ERBB4: variants seen among roughly 807,000 people sequenced by gnomAD.
ERBB4 encodes the protein erb-b2 receptor tyrosine kinase 4.
A neutral mutation model predicts 158.0 loss-of-function variants in ERBB4; 42 were observed. The ratio of observed to expected loss-of-function variants is 0.27; its 90% confidence interval spans 0.21 to 0.34. The LOEUF (loss-of-function observed/expected upper bound fraction) is 0.34, where lower values mean the gene tolerates loss of function less well. Ranked by LOEUF, ERBB4 falls within the 10% of genes least tolerant of loss-of-function variation. The pLI is 1.00. For synonymous variants in ERBB4, 583 were observed against 558.7 expected (o/e 1.04, Z -0.61); for missense variants, 1,333 against 1,624.1 (o/e 0.82, Z 3.08).
At chr2:211,636,658 T>C (rs920361228) in intron 16 of ERBB4, among the ~76,000 whole-genome samples, 16 of 151,838 alleles carry the variant, frequency 1.1e-4, no homozygotes, top group African/African-American at 3.6e-4. Flanking sequence ...TTATCCTACA[T>C]TTAGCCCAAT....
At chr2:211,414,102 G>A (rs1006379277) in intron 25 of ERBB4, among the ~76,000 whole-genome samples, 1 of 152,090 alleles carries the variant, frequency 6.6e-6, no homozygotes, top group East Asian at 1.9e-4. Context: ...GAGACTCTCT[G>A]GGGACCCTTC....
chr2:212,326,268 T>C (rs1156916998), intron 1 of ERBB4, among the ~76,000 whole-genome samples: 1 of 150,874 alleles, frequency 6.6e-6, no homozygotes. Context: ...TATCATCCTA[T>C]ATTATTTATA....
intron 2 of ERBB4, among the ~76,000 whole-genome samples, chr2:212,073,690 G>C (rs1187539059): frequency 1.3e-5 from 2 of 151,988 alleles, no homozygotes; most frequent in African/African-American, 4.8e-5. Context: ...GAAGAGTGAT[G>C]AGTGGATCTG....
chr2:211,473,472 T>C (rs991576192), intron 20 of ERBB4, among the ~76,000 whole-genome samples: 2 of 152,084 alleles, frequency 1.3e-5, no homozygotes, highest in African/African-American at 4.8e-5. Context: ...AAAATAAATC[T>C]TCTTTGAATT....
intron 2 of ERBB4, among the ~76,000 whole-genome samples, chr2:211,997,398 C>T (rs780225082): frequency 1.7e-4 from 26 of 151,828 alleles, no homozygotes; most frequent in Admixed American, 3.9e-4. Flanking sequence ...AGAAACCTAT[C>T]CAAATACTGT....
intron 2 of ERBB4, among the ~76,000 whole-genome samples, chr2:211,949,085 T>C (rs747637067): frequency 1.3e-5 from 2 of 152,186 alleles, no homozygotes; most frequent in African/African-American, 2.4e-5. Context: ...TGATCCATAC[T>C]ATTTGTTCTA....
At chr2:211,568,025 C>T (rs2067603143) in intron 19 of ERBB4, among the ~76,000 whole-genome samples, 1 of 152,010 alleles carries the variant, frequency 6.6e-6, no homozygotes, top group African/African-American at 2.4e-5. Context: ...ATCTTTGCTG[C>T]TGTCACTAGA....
At chr2:212,366,225 T>C (rs2089884972) in intron 1 of ERBB4, among the ~76,000 whole-genome samples, 1 of 151,996 alleles carries the variant, frequency 6.6e-6, no homozygotes, top group Non-Finnish European at 1.5e-5. Context: ...TACTACTGCA[T>C]ATCTGATATA....
chr2:211,516,830 G>A (rs1338463152), intron 20 of ERBB4, among the ~76,000 whole-genome samples: 1 of 152,044 alleles, frequency 6.6e-6, no homozygotes, highest in Non-Finnish European at 1.5e-5. Flanking sequence ...GAACCCTTGA[G>A]TAACAGTGAT....
intron 20 of ERBB4, among the ~76,000 whole-genome samples, chr2:211,543,382 T>C (rs953278372): frequency 6.6e-6 from 1 of 152,044 alleles, no homozygotes; most frequent in Non-Finnish European, 1.5e-5. Flanking sequence ...ATTGTAGTAA[T>C]ATTAAAAATC....
intron 2 of ERBB4, among the ~76,000 whole-genome samples, chr2:212,019,695 G>T (rs2076604821): frequency 6.6e-6 from 1 of 150,524 alleles, no homozygotes; most frequent in Admixed American, 6.6e-5. Context: ...CCCAGGAGGT[G>T]GAGGTTGCAG....
intron 3 of ERBB4, among the ~76,000 whole-genome samples, chr2:211,912,774 C>A (rs1013385146): frequency 1.3e-5 from 2 of 152,192 alleles, no homozygotes; most frequent in Admixed American, 1.3e-4. Flanking sequence ...GTAGCCAGGA[C>A]TTCTCTTTCT....
intron 1 of ERBB4, among the ~76,000 whole-genome samples, chr2:212,207,177 G>A (rs940447924): frequency 1.3e-5 from 2 of 151,978 alleles, no homozygotes; most frequent in Admixed American, 6.6e-5. Context: ...AATGATCAGT[G>A]ATGGTATAAA....
chr2:212,052,590 A>G (rs947043961), intron 2 of ERBB4, among the ~76,000 whole-genome samples: 1 of 152,220 alleles, frequency 6.6e-6, no homozygotes, highest in African/African-American at 2.4e-5. Flanking sequence ...AAACCAGCCC[A>G]GTTGTCCAAT....
intron 3 of ERBB4, among the ~76,000 whole-genome samples, chr2:211,943,730 T>C (rs2080572109): frequency 6.6e-6 from 1 of 152,052 alleles, no homozygotes; most frequent in African/African-American, 2.4e-5. Flanking sequence ...AACAAGTTTT[T>C]CTATTTGGCC....
At chr2:212,311,976 A>C (rs2087064212) in intron 1 of ERBB4, among the ~76,000 whole-genome samples, 2 of 151,078 alleles carry the variant, frequency 1.3e-5, no homozygotes, top group Non-Finnish European at 1.5e-5. Flanking sequence ...TCGTGATTTA[A>C]AGATTTTCAA....
chr2:211,394,310 T>C (rs944719426), intron 25 of ERBB4, among the ~76,000 whole-genome samples: 2 of 152,184 alleles, frequency 1.3e-5, no homozygotes, highest in Non-Finnish European at 2.9e-5. Flanking sequence ...TCACCCTTCT[T>C]GAGATGAGTG....
chr2:212,053,722 C>T (rs1003077151), intron 2 of ERBB4, among the ~76,000 whole-genome samples: 3 of 152,120 alleles, frequency 2.0e-5, no homozygotes, highest in Non-Finnish European at 2.9e-5. Flanking sequence ...CTGTTAGCTC[C>T]GTGGACTCCC....
chr2:211,825,057 AGAGAG>A (rs1222177913), intron 3 of ERBB4, among the ~76,000 whole-genome samples: 4 of 151,990 alleles, frequency 2.6e-5, no homozygotes, highest in African/African-American at 9.7e-5. Context: ...ATAAATCAAA[AGAGAG>A]GAACAAAGCC....
Sources: allele counts gnomAD v4.1 joint callset (sites outside exome capture counted in the v4.1 genomes callset), GRCh38; gene constraint gnomAD v4.1.1; transcripts MANE v1.5; gene names NCBI Gene and HGNC (gene_info 2026-07-23, HGNC 2026-07-21).